Variants in MEGF6 observed in about 807,000 individuals in gnomAD.
MEGF6 encodes the protein multiple epidermal growth factor-like domains protein 6.
Under a neutral mutation model 207.1 loss-of-function variants are expected in MEGF6, and 184 were observed. The observed-to-expected ratio is 0.89, with a 90% CI of 0.79 to 1.00. The LOEUF (loss-of-function observed/expected upper bound fraction) is 1.00. Ranked by LOEUF, MEGF6 falls within the 50% of genes least tolerant of loss-of-function variation. The pLI, the probability that MEGF6 is intolerant of heterozygous loss-of-function variation, is 0.00. For synonymous variants in MEGF6, 1,038 were observed against 910.0 expected (o/e 1.14, Z -2.53); for missense variants, 2,282 against 2,202.9 (o/e 1.04, Z -0.72).
At chr1:3,530,315 G>A (rs1317893225) in intron 4 of MEGF6, among the ~76,000 whole-genome samples, 1 of 152,224 alleles carries the variant, frequency 6.6e-6, no homozygotes, top group Non-Finnish European at 1.5e-5. Context: ...CAGCTAAGGA[G>A]GGGTGACGTC....
rs192650600 is a variant in MEGF6, at chr1:3,544,199, C to G, written c.482-19953G>C. Among the ~76,000 whole-genome samples the G allele has an allele frequency of 3.4e-4, 51 of 150,970 alleles. 2 individuals are homozygous for G. In the East Asian group the frequency reaches 8.9e-3, roughly 26 times the overall value. On this transcript the variant is annotated intron_variant, in intron 4 of 36. Transcript: ENST00000356575. ...CCAAGCATCAGGCTAACCCTCTCCC[C>G]CCAGCGTCGCAGCGGCATCAGGCTA...
At chr1:3,513,164 C>T (rs1417869209) in intron 7 of MEGF6, among the ~76,000 whole-genome samples, 1 of 152,076 alleles carries the variant, frequency 6.6e-6, no homozygotes, top group Non-Finnish European at 1.5e-5. Context: ...GGAACAATGT[C>T]TCCTTTCTTC....
intron 4 of MEGF6, among the ~76,000 whole-genome samples, chr1:3,539,722 C>T (rs1302497811): frequency 1.3e-5 from 2 of 152,192 alleles, no homozygotes; most frequent in Non-Finnish European, 1.5e-5. Context: ...CCAGGAGGCC[C>T]TTGGCTTGGT....
rs746312519 is a variant in MEGF6, at chr1:3,498,445, T to C, written c.3278A>G (p.Asn1093Ser). The C allele has an allele frequency of 4.4e-6, 7 of 1,578,670 alleles. No individual in the cohort carries two copies. The highest frequency in any genetic ancestry group is 6.0e-6 in the Non-Finnish European group (7 of 1,163,710). ...AGCRHSGGCL[N>S]GGLCDPHTGR... ...CGTGTGCGGGTCACACAGGCCCCCG[T>C]TGAGGCAACCGCCGCTGTGCCGGCA... Residue 1093 changes from asparagine to serine, a missense_variant, in exon 26 of 37, where the codon AAC (asparagine) becomes AGC (serine). Transcript: ENST00000356575.
At chr1:3,495,790 G>T in intron 30 of MEGF6, 100 bp downstream of exon 30, 2 of 1,424,520 alleles carry the variant, frequency 1.4e-6, no homozygotes, top group African/African-American at 1.4e-5. Flanking sequence ...CAGGATGTGC[G>T]GGTGTCTGGG....
At chr1:3,506,057 C>T in intron 15 of MEGF6, 51 bp downstream of exon 15, 1 of 1,537,050 alleles carries the variant, frequency 6.5e-7, no homozygotes, top group Non-Finnish European at 8.8e-7. Flanking sequence ...TGGACCATCC[C>T]TTCCACCCGC....
At chr1:3,620,171 CTG>C in the MEGF6 span, among the ~76,000 whole-genome samples, 1 of 152,158 alleles carries the variant, frequency 6.6e-6, no homozygotes, top group African/African-American at 2.4e-5. Context: ...CTGGCTTTTT[CTG>C]AAAGTGTACA....
chr1:3,547,618 C>A (rs1323214885), intron 4 of MEGF6, among the ~76,000 whole-genome samples: 1 of 152,196 alleles, frequency 6.6e-6, no homozygotes, highest in Non-Finnish European at 1.5e-5. Flanking sequence ...AGGCCCCATC[C>A]TCCCTTCCTG....
intron 4 of MEGF6, among the ~76,000 whole-genome samples, chr1:3,536,044 G>T (rs1034019361): frequency 6.6e-6 from 1 of 152,140 alleles, no homozygotes; most frequent in Non-Finnish European, 1.5e-5. Flanking sequence ...CTCCGGCTTC[G>T]CACCCTGGCT....
chr1:3,523,983 T>C (rs1056462652), intron 5 of MEGF6, 141 bp downstream of exon 5: 39 of 956,334 alleles, frequency 4.1e-5, no homozygotes, highest in Non-Finnish European at 5.3e-5. Flanking sequence ...AGAGCCATGC[T>C]CCGCAGGAAG....
At chr1:3,622,283 G>C in the MEGF6 span, among the ~76,000 whole-genome samples, 1 of 152,098 alleles carries the variant, frequency 6.6e-6, no homozygotes, top group African/African-American at 2.4e-5. Flanking sequence ...TCTTGTCATA[G>C]TTCTCACAAG....
chr1:3,501,082 C>G lies in MEGF6; in HGVS notation c.2459G>C (p.Gly820Ala). Residue 820 changes from glycine (G) to alanine (A), a missense_variant, in exon 20 of 37, where the codon GGC becomes GCC. Transcript: ENST00000356575. ...TGTCTGGCAGCTGGGACCATACCAG[C>G]CTGCTGGGCACACTACAGGCAGGCG... is the stretch of plus-strand genomic sequence containing the variant. ...GSRCQDVCPA[G>A]WYGPSCQTRC... 6.2e-7 allele frequency: 1 copy of G among 1,612,730 alleles called. No individual in the cohort carries two copies. Among genetic ancestry groups the G allele is most frequent in the African/African-American group, 1.3e-5 (1 of 75,052 alleles).
chr1:3,602,027 G>A (rs1308901468), intron 2 of MEGF6, among the ~76,000 whole-genome samples: 1 of 152,246 alleles, frequency 6.6e-6, no homozygotes, highest in African/African-American at 2.4e-5. Flanking sequence ...TATAAAAGGG[G>A]GAGAGGTGTG....
chr1:3,603,485 T>C (rs1644194420), intron 1 of MEGF6, among the ~76,000 whole-genome samples: 1 of 152,056 alleles, frequency 6.6e-6, no homozygotes, highest in South Asian at 2.1e-4. Flanking sequence ...AGGTGACGTC[T>C]GGGGGGCCTC....
Position 3,505,210 on chromosome 1 carries a change from T to C in MEGF6, c.2186A>G (p.Gln729Arg). Residue 729 changes from glutamine (Q) to arginine (R), a missense_variant and splice_region_variant, in exon 17 of 37, where the codon CAA (glutamine) becomes CGA (arginine). Transcript: ENST00000356575. ...PAGFQGEDCG[Q>R]ECPVGTFGVN... is the part of the protein sequence containing the mutation. ...AGCCCCAGGGGCCGGCCACTCACCT[T>C]GGCCACAGTCCTCTCCCTGGAAGCC... 6.2e-7 allele frequency: 1 copy of C among 1,611,786 alleles called. No homozygotes were observed. The highest frequency in any genetic ancestry group is 8.5e-7 in the Non-Finnish European group (1 of 1,179,806).
intron 4 of MEGF6, among the ~76,000 whole-genome samples, chr1:3,551,005 C>G (rs577788390): frequency 6.6e-6 from 1 of 152,320 alleles, no homozygotes; most frequent in Non-Finnish European, 1.5e-5. Flanking sequence ...CTTGGGGCCT[C>G]GGAGTGTGAG....
rs1482198584 is a variant in MEGF6, at chr1:3,544,012, C to T, written c.482-19766G>A. On this transcript the variant is annotated intron_variant, in intron 4 of 36. Transcript: ENST00000356575. ...TGGGCAGTGGGAAGCCCATTCACCA[C>T]CCGGAGCCGCTCTATCGCGGGAGAG... Among the ~76,000 whole-genome samples, 3 of 152,210 alleles carry T rather than the reference C, an allele frequency of 2.0e-5. No individual in the cohort carries two copies. The East Asian group carries it at 5.8e-4, about 29-fold the overall frequency.
intron 1 of MEGF6, among the ~76,000 whole-genome samples, chr1:3,608,308 C>T (rs1478743650): frequency 6.6e-6 from 1 of 152,134 alleles, no homozygotes; most frequent in African/African-American, 2.4e-5. Flanking sequence ...GGCAGCAGCT[C>T]ACAGAAGTGA....
intron 17 of MEGF6, among the ~76,000 whole-genome samples, chr1:3,503,989 G>A (rs1325760027): frequency 6.6e-6 from 1 of 152,142 alleles, no homozygotes; most frequent in Non-Finnish European, 1.5e-5. Context: ...GCTGGCTAGT[G>A]GGTCCTTGGG....
Sources: gnomAD v4.1 joint callset for allele counts (sites outside exome capture counted in the v4.1 genomes callset) on GRCh38, gnomAD v4.1.1 for gene constraint, MANE v1.5 for transcripts, NCBI Gene and HGNC (gene_info 2026-07-23, HGNC 2026-07-21) for gene names.